RSPO2: variants seen among roughly 807,000 people sequenced by gnomAD.
RSPO2 encodes R-spondin-2.
A neutral mutation model predicts 30.9 loss-of-function variants in RSPO2; 14 were observed. That is an observed-to-expected ratio of 0.45 (90% CI 0.30 to 0.71). RSPO2 has a LOEUF of 0.71. Ranked by LOEUF, RSPO2 falls within the 30% of genes least tolerant of loss-of-function variation. The probability of loss-of-function intolerance (pLI) is 0.08; values close to 1 mark genes in which losing one functional copy is unlikely to be tolerated. For missense variants in RSPO2, 264 were observed against 301.9 expected (o/e 0.87, Z 0.93); for synonymous variants, 107 against 96.4 (o/e 1.11, Z -0.64).
intron 2 of RSPO2, among the ~76,000 whole-genome samples, chr8:108,020,625 T>C (rs994527862): frequency 4.6e-5 from 7 of 152,218 alleles, no homozygotes; most frequent in Non-Finnish European, 7.3e-5. Flanking sequence ...GAACTCTTTT[T>C]CATACATCTG....
chr8:108,061,963 A>G (rs1812483128), intron 2 of RSPO2, among the ~76,000 whole-genome samples: 1 of 151,950 alleles, frequency 6.6e-6, no homozygotes, highest in Non-Finnish European at 1.5e-5. Flanking sequence ...TGAAGGCAGA[A>G]ATAAAGATGT....
chr8:108,018,069 T>C (rs558521057), intron 2 of RSPO2, among the ~76,000 whole-genome samples: 2 of 152,224 alleles, frequency 1.3e-5, no homozygotes, highest in Non-Finnish European at 2.9e-5. Flanking sequence ...TTATTTTGCA[T>C]AATATTTTTA....
At chr8:107,923,943 G>T (rs1014229947) in intron 5 of RSPO2, among the ~76,000 whole-genome samples, 2 of 152,070 alleles carry the variant, frequency 1.3e-5, no homozygotes, top group South Asian at 4.1e-4. Context: ...CCTATCGGGG[G>T]TTGAGAGTAG....
chr8:107,966,920 A>G (rs1813826755), intron 3 of RSPO2, among the ~76,000 whole-genome samples: 1 of 152,158 alleles, frequency 6.6e-6, no homozygotes, highest in Non-Finnish European at 1.5e-5. Context: ...CTGGGAATCT[A>G]TGTTCTCTTA....
chr8:108,022,335 T>TC (rs1282317562), intron 2 of RSPO2, among the ~76,000 whole-genome samples: 1 of 152,150 alleles, frequency 6.6e-6, no homozygotes, highest in Non-Finnish European at 1.5e-5. Flanking sequence ...ATGGCTATTC[T>TC]CCCCTTTCTA....
chr8:108,006,561 T>C (rs1438508814), intron 2 of RSPO2, among the ~76,000 whole-genome samples: 2 of 151,824 alleles, frequency 1.3e-5, no homozygotes, highest in African/African-American at 4.8e-5. Context: ...AAGGCTCTAA[T>C]TATTTACATT....
At chr8:107,989,518 A>G (rs1814775300) in intron 2 of RSPO2, 1 of 358,348 alleles carries the variant, frequency 2.8e-6, no homozygotes, top group Non-Finnish European at 4.9e-6. Flanking sequence ...AGACAGAGGT[A>G]GAACTTAGGG....
At chr8:107,978,635 C>G (rs1478158334) in intron 3 of RSPO2, among the ~76,000 whole-genome samples, 3 of 152,134 alleles carry the variant, frequency 2.0e-5, no homozygotes, top group Non-Finnish European at 4.4e-5. Context: ...GACTTCATGT[C>G]TAAAACACCA....
chr8:108,048,866 G>A (rs903172369), intron 2 of RSPO2, among the ~76,000 whole-genome samples: 1 of 152,130 alleles, frequency 6.6e-6, no homozygotes, highest in Non-Finnish European at 1.5e-5. Context: ...CTGGTACATT[G>A]TGTCTTTGTT....
chr8:108,006,076 A>G (rs1815443399), intron 2 of RSPO2, among the ~76,000 whole-genome samples: 1 of 152,196 alleles, frequency 6.6e-6, no homozygotes, highest in Non-Finnish European at 1.5e-5. Context: ...GTATAATCCT[A>G]TACTTTAAGA....
Position 108,010,534 on chromosome 8 carries a change from G to A in RSPO2, c.95-21290C>T, listed in dbSNP as rs1048681610. Among the ~76,000 whole-genome samples the A allele has an allele frequency of 3.0e-4, 46 of 152,154 alleles. 1 individual carries two copies. On this transcript the variant is annotated intron_variant, in intron 2 of 5. Transcript: ENST00000276659. The stretch of plus-strand genomic sequence containing the variant: ...TCCAAAATATCTTACACTCCAAGAA[G>A]AGTTCAGAAGTGTCTTAGAGAGCGA...
intron 2 of RSPO2, among the ~76,000 whole-genome samples, chr8:108,035,856 C>T (rs1432309324): frequency 6.6e-6 from 1 of 152,108 alleles, no homozygotes; most frequent in African/African-American, 2.4e-5. Context: ...GCTCTTGAGT[C>T]ACCAAATGCT....
rs879896907 is a variant in RSPO2 at position 108,038,089 on chromosome 8, A to C, written c.94+44456T>G. Among the ~76,000 whole-genome samples, 9 of 152,228 alleles carry C rather than the reference A, an allele frequency of 5.9e-5. 1 individual carries two copies. The highest frequency in any genetic ancestry group is 5.9e-4 in the Admixed American group (9 of 15,278). On this transcript the variant is annotated intron_variant, in intron 2 of 5. Coordinates refer to ENST00000276659, the MANE Select transcript of RSPO2 (RefSeq NM_178565.5). ...TAATGAATCTGGGAAAAGTAAATTG[A>C]AAACCTCCAGGAAAGGGTTCACCCT... is the stretch of plus-strand genomic sequence containing the variant.
intron 2 of RSPO2, among the ~76,000 whole-genome samples, chr8:108,062,420 TAAAC>T (rs1812500878): frequency 6.6e-6 from 1 of 151,702 alleles, no homozygotes; most frequent in African/African-American, 2.4e-5. Flanking sequence ...TCTACACAAA[TAAAC>T]TAGGAAATCT....
At chr8:107,902,307 T>C (rs967578878) in intron 5 of RSPO2, among the ~76,000 whole-genome samples, 1 of 152,184 alleles carries the variant, frequency 6.6e-6, no homozygotes, top group Admixed American at 6.5e-5. Context: ...AAATTTTATC[T>C]TGTAATTCTA....
chr8:108,011,148 A>AG (rs1554581783), intron 2 of RSPO2, among the ~76,000 whole-genome samples: 10 of 140,484 alleles, frequency 7.1e-5, no homozygotes, highest in African/African-American at 1.3e-4. Context: ...AAAAAAAAAA[A>AG]AAAGAAAGAA....
chr8:107,978,211 C>CGAGG (rs1814282550), intron 3 of RSPO2, among the ~76,000 whole-genome samples: 1 of 151,958 alleles, frequency 6.6e-6, no homozygotes, highest in South Asian at 2.1e-4. Context: ...GCAGATCACC[C>CGAGG]CAGGTCAGGA....
At chr8:107,964,296 G>C (rs1414551054) in intron 3 of RSPO2, among the ~76,000 whole-genome samples, 1 of 152,234 alleles carries the variant, frequency 6.6e-6, no homozygotes, top group Non-Finnish European at 1.5e-5. Flanking sequence ...AGGCAGGAGT[G>C]CAATGGCACA....
In RSPO2 at chr8:107,909,086, T is replaced by A. The variant is rs186300588; in HGVS notation, c.617-7896A>T. 8.0e-4 allele frequency among the ~76,000 whole-genome samples: 122 copies of A among 152,146 alleles called. 1 individual carries two copies. In the East Asian group the frequency reaches 0.011, roughly 14 times the overall value. On this transcript the variant is annotated intron_variant, in intron 5 of 5. Coordinates refer to ENST00000276659, the MANE Select transcript of RSPO2 (RefSeq NM_178565.5). ...GAGGGTGGAAAGACAGCAAATATAC[T>A]AGGCAATTTGCTAGGCCCTGCTGTA... is the stretch of plus-strand genomic sequence containing the variant.
Sources: allele counts gnomAD v4.1 joint callset (sites outside exome capture counted in the v4.1 genomes callset), GRCh38; gene constraint gnomAD v4.1.1; transcripts MANE v1.5; gene names NCBI Gene and HGNC (gene_info 2026-07-23, HGNC 2026-07-21).